The following SOWAHC variants were observed in gnomAD, a reference collection of about 807,000 sequenced individuals.
SOWAHC encodes the protein sosondowah ankyrin repeat domain family member C.
In SOWAHC, 12 loss-of-function variants were observed where a neutral mutation model predicts 14.4. That is an observed-to-expected ratio of 0.83 (90% CI 0.53 to 1.35). The LOEUF (loss-of-function observed/expected upper bound fraction) is 1.35. Ranked by LOEUF, SOWAHC falls within the 40% of genes most tolerant of loss-of-function variation. SOWAHC has a pLI of 0.00. For synonymous variants in SOWAHC, 398 were observed against 347.0 expected (o/e 1.15, Z -1.63); for missense variants, 771 against 752.8 (o/e 1.02, Z -0.28).
chr2:109,615,097 A>G lies in SOWAHC; in HGVS notation c.608A>G (p.Gln203Arg). The G allele has an allele frequency of 6.5e-7, 1 of 1,549,706 alleles. No homozygotes were observed. Among genetic ancestry groups the G allele is most frequent in the South Asian group, 1.2e-5 (1 of 84,048 alleles). The change falls in exon 1 of 1, where the codon CAG becomes CGG. Residue 203 changes from glutamine to arginine, a missense_variant. Coordinates refer to ENST00000356454, the MANE Select transcript of SOWAHC (RefSeq NM_023016.4). ...GCTACCGCACAGAGGCCGGCCCGCC[A>G]GAACCTCCGTGACCTGGTGATGGGC... The part of the protein sequence containing the change: ...VGATAQRPAR[Q>R]NLRDLVMGSS...
At position 109,614,851 on chromosome 2, in the gene SOWAHC, C is replaced by T. The variant is rs1573941443; in HGVS notation, c.362C>T (p.Ala121Val). 1 of 1,399,898 alleles carries T rather than the reference C, an allele frequency of 7.1e-7. No individual in the cohort carries two copies. Among genetic ancestry groups the T allele is most frequent in the Non-Finnish European group, 9.2e-7 (1 of 1,087,418 alleles). The allele number at this position is 1,399,898 out of a possible 1,614,324, so 86.7% of individuals were successfully genotyped here. The change falls in exon 1 of 1, where the codon GCG (alanine) becomes GTG (valine). Residue 121 changes from alanine (A) to valine (V), a missense_variant. Ala to Val is a moderately conservative substitution (Grantham distance 64). Coordinates refer to ENST00000356454, the MANE Select transcript of SOWAHC (RefSeq NM_023016.4). ...GPEARDRLPD[A>V]AAPESLPGQG... Reference sequence around the variant, plus strand: ...GAGGCGCGCGATCGGCTCCCCGACGCGGCGGCCCCGGAGTCGCTCCCTGGA... The same window carrying T: ...GAGGCGCGCGATCGGCTCCCCGACGTGGCGGCCCCGGAGTCGCTCCCTGGA...
chr2:109,614,462 C>T lies in SOWAHC; in HGVS notation c.-28C>T, dbSNP rs1699990366. 2 of 1,212,950 alleles carry T rather than the reference C, an allele frequency of 1.6e-6. No homozygotes were observed. The highest frequency in any genetic ancestry group is 1.6e-5 in the African/African-American group (1 of 63,250). 75.1% of individuals were successfully genotyped at this position (1,212,950 alleles called of 1,614,324 possible). ...CGCTATGGGACCGCGCTGAGCCGCC[C>T]GCTGGCGGGGGAGCAGCGCGGTCGA... On this transcript the variant is annotated 5_prime_UTR_variant, in exon 1 of 1. Coordinates refer to ENST00000356454, the MANE Select transcript of SOWAHC (RefSeq NM_023016.4).
At position 109,614,727 on chromosome 2, in the gene SOWAHC, A is replaced by C. The variant is rs1700022652; in HGVS notation, c.238A>C (p.Lys80Gln). 3 of 1,489,980 alleles carry C rather than the reference A, an allele frequency of 2.0e-6. No individual in the cohort carries two copies. Among genetic ancestry groups the C allele is most frequent in the African/African-American group, 1.5e-5 (1 of 68,536 alleles). 92.3% of individuals were successfully genotyped at this position (1,489,980 alleles called of 1,614,324 possible). A position where few individuals can be genotyped will look rare whatever the true frequency, so the allele number is the denominator to read the frequency against. The change falls in exon 1 of 1, where the codon AAG becomes CAG. Residue 80 changes from lysine (K) to glutamine (Q), a missense_variant. Coordinates refer to ENST00000356454, the MANE Select transcript of SOWAHC (RefSeq NM_023016.4). ...PADGAKYVHL[K>Q]KRFCEGPSEP... Reference sequence around the variant, plus strand: ...CGACGGCGCCAAGTACGTGCACCTCAAGAAGAGGTTCTGTGAAGGGCCGTC... The same window carrying C: ...CGACGGCGCCAAGTACGTGCACCTCCAGAAGAGGTTCTGTGAAGGGCCGTC...
rs1251645129 is a variant in SOWAHC, at chr2:109,617,378, TTAAG to T, written c.*1314_*1317del. 1 of 167,080 alleles carries T rather than the reference TTAAG, an allele frequency of 6.0e-6. No individual in the cohort carries two copies. Among genetic ancestry groups the T allele is most frequent in the Non-Finnish European group, 1.5e-5 (1 of 68,104 alleles). 10.3% of individuals were successfully genotyped at this position (167,080 alleles called of 1,614,324 possible). A position where few individuals can be genotyped will look rare whatever the true frequency, so the allele number is the denominator to read the frequency against. ...AAATGAAAAATACCATTCATTAAAA[TTAAG>T]TACTCGTTTAAGTATGGTTCTTAAT... On this transcript the variant is annotated 3_prime_UTR_variant, in exon 1 of 1. Transcript: ENST00000356454.
At position 109,614,946 on chromosome 2, in the gene SOWAHC, C is replaced by G; in HGVS notation, c.457C>G (p.Arg153Gly). ...AHWPPLSAGA[R>G]RKNSRRDVQP... is the part of the protein sequence containing the mutation. ...CTGGCCGCCCCTGAGCGCCGGGGCT[C>G]GCAGGAAGAACTCGCGGCGCGACGT... Residue 153 changes from arginine (R) to glycine (G), a missense_variant, in exon 1 of 1, where the codon CGC (arginine) becomes GGC (glycine). By Grantham distance (125) the Arg-to-Gly change is moderately radical (BLOSUM62 -2). Coordinates refer to ENST00000356454, the MANE Select transcript of SOWAHC (RefSeq NM_023016.4). The G allele has an allele frequency of 6.6e-7, 1 of 1,520,930 alleles. No homozygotes were observed. Among genetic ancestry groups the G allele is most frequent in the Non-Finnish European group, 8.8e-7 (1 of 1,139,336 alleles). The allele number at this position is 1,520,930 out of a possible 1,614,324, so 94.2% of individuals were successfully genotyped here. A position where few individuals can be genotyped will look rare whatever the true frequency, so the allele number is the denominator to read the frequency against.
In SOWAHC at chr2:109,614,717, C is replaced by G. The variant is rs775544832; in HGVS notation, c.228C>G (p.Tyr76Ter). 2.0e-6 allele frequency: 3 copies of G among 1,488,956 alleles called. No individual in the cohort carries two copies. The highest frequency in any genetic ancestry group is 3.6e-4 in the Middle Eastern group (2 of 5,490). The allele number at this position is 1,488,956 out of a possible 1,614,324, so 92.2% of individuals were successfully genotyped here. A position where few individuals can be genotyped will look rare whatever the true frequency, so the allele number is the denominator to read the frequency against. Reference protein sequence around the residue: ...VRVDPADGAKYVHLKKRFCEG... With the variant: ...VRVDPADGAK ...TCGATCCCGCCGACGGCGCCAAGTA[C>G]GTGCACCTCAAGAAGAGGTTCTGTG... Residue 76 changes from tyrosine (Y) to a stop codon, truncating the protein, a stop_gained, in exon 1 of 1, where the codon TAC (tyrosine) becomes TAG (stop). Coordinates refer to ENST00000356454, the MANE Select transcript of SOWAHC (RefSeq NM_023016.4). LOFTEE classifies it low-confidence loss of function (END_TRUNC).
In SOWAHC at chr2:109,614,600, C is replaced by T. The variant is rs1306891240; in HGVS notation, c.111C>T (p.His37=). The change falls in exon 1 of 1, where the codon CAC becomes CAT. Residue 37 remains histidine, a synonymous_variant. Coordinates refer to ENST00000356454, the MANE Select transcript of SOWAHC (RefSeq NM_023016.4). ...GRALHAELVQ[H]FRGALGGEPE... ...CCCTGCACGCCGAGCTGGTGCAGCA[C>T]TTCAGGGGCGCCCTAGGCGGCGAAC... 2 of 1,453,480 alleles carry T rather than the reference C, an allele frequency of 1.4e-6. No individual in the cohort carries two copies. Among genetic ancestry groups the T allele is most frequent in the African/African-American group, 3.0e-5 (2 of 67,784 alleles). The allele number at this position is 1,453,480 out of a possible 1,614,324, so 90.0% of individuals were successfully genotyped here. A position where few individuals can be genotyped will look rare whatever the true frequency, so the allele number is the denominator to read the frequency against.
chr2:109,615,288 CT>C lies in SOWAHC; in HGVS notation c.800del (p.Leu267ArgfsTer55). The C allele has an allele frequency of 1.3e-6, 2 of 1,594,878 alleles. No homozygotes were observed. Among genetic ancestry groups the C allele is most frequent in the South Asian group, 2.3e-5 (2 of 88,518 alleles). On this transcript the variant is annotated frameshift_variant, in exon 1 of 1. Transcript: ENST00000356454. LOFTEE classifies it low-confidence loss of function (END_TRUNC). ...SGGGSVTLDP[L>X]EHAWMLSASD... ...CGGAGGCTCCGTGACGCTGGACCCC[CT>C]GGAGCACGCGTGGATGCTCTCTGCC...
chr2:109,615,030 C>A lies in SOWAHC; in HGVS notation c.541C>A (p.His181Asn), dbSNP rs528896573. The change falls in exon 1 of 1, where the codon CAT (histidine) becomes AAT (asparagine). Residue 181 changes from histidine to asparagine, a missense_variant. By Grantham distance (68) the His-to-Asn change is moderately conservative. Coordinates refer to ENST00000356454, the MANE Select transcript of SOWAHC (RefSeq NM_023016.4). Reference sequence around the variant, plus strand: ...CAGCGAGGACCTGGAGCTCCCGCCACATGGCTGCGAGGAGGCGGACAGGGG... The same window carrying A: ...CAGCGAGGACCTGGAGCTCCCGCCAAATGGCTGCGAGGAGGCGGACAGGGG... ...GPSEDLELPP[H>N]GCEEADRGSS... 2.7e-5 allele frequency: 42 copies of A among 1,547,738 alleles called. No individual in the cohort carries two copies. In the South Asian group the frequency reaches 4.8e-4, roughly 18 times the overall value.
Position 109,615,660 on chromosome 2 carries a change from A to G in SOWAHC, c.1171A>G (p.Lys391Glu), listed in dbSNP as rs775764517. 6.2e-7 allele frequency: 1 copy of G among 1,614,156 alleles called. No homozygotes were observed. The highest frequency in any genetic ancestry group is 1.1e-5 in the South Asian group (1 of 91,082). ...GAGTCGGAGCATCGCCGAGGAGATCAAGAACCTGGTGGGAGCCCTGGACGA... is the reference window on the plus strand; with the variant it reads ...GAGTCGGAGCATCGCCGAGGAGATCGAGAACCTGGTGGGAGCCCTGGACGA... The part of the protein sequence containing the change: ...YLSRSIAEEI[K>E]NLVGALDEGD... Residue 391 changes from lysine to glutamate, a missense_variant, in exon 1 of 1, where the codon AAG becomes GAG. Lys to Glu is a moderately conservative substitution (Grantham distance 56). Transcript: ENST00000356454.
Position 109,614,366 on chromosome 2 carries a change from A to G in SOWAHC, c.-124A>G. The G allele has an allele frequency of 1.2e-6, 1 of 807,090 alleles. No individual in the cohort carries two copies. Among genetic ancestry groups the G allele is most frequent in the Non-Finnish European group, 1.6e-6 (1 of 611,940 alleles). The allele number at this position is 807,090 out of a possible 1,614,324, so 50.0% of individuals were successfully genotyped here. A position where few individuals can be genotyped will look rare whatever the true frequency, so the allele number is the denominator to read the frequency against. On this transcript the variant is annotated 5_prime_UTR_variant, in exon 1 of 1. Transcript: ENST00000356454. The stretch of plus-strand genomic sequence containing the variant: ...CGGTGGCCGAGTCCTCTGGCCTCAG[A>G]CGCGTAGGCTGGCAGCCCGCTGAGC...
chr2:109,615,285 C>G lies in SOWAHC; in HGVS notation c.796C>G (p.Pro266Ala), dbSNP rs1295160281. The change falls in exon 1 of 1, where the codon CCC becomes GCC. Residue 266 changes from proline (P) to alanine (A), a missense_variant. Transcript: ENST00000356454. ...CGGCGGAGGCTCCGTGACGCTGGAC[C>G]CCCTGGAGCACGCGTGGATGCTCTC... is the stretch of plus-strand genomic sequence containing the variant. ...SSGGGSVTLD[P>A]LEHAWMLSAS... is the part of the protein sequence containing the mutation. The G allele has an allele frequency of 9.4e-6, 15 of 1,592,602 alleles. No homozygotes were observed. Among genetic ancestry groups the G allele is most frequent in the African/African-American group, 1.3e-5 (1 of 74,510 alleles).
rs1371801163 is a variant in SOWAHC at position 109,614,798 on chromosome 2, C to T, written c.309C>T (p.Pro103=). ...CGCGAATCCAGGTGACCGCCGAGCC[C>T]GAGGCCCCCGACGGCCCTGCCGGGC... The part of the protein sequence containing the change: ...DPPRIQVTAE[P]EAPDGPAGPE... The change falls in exon 1 of 1, where the codon CCC becomes CCT. Residue 103 remains proline (P), a synonymous_variant. Coordinates refer to ENST00000356454, the MANE Select transcript of SOWAHC (RefSeq NM_023016.4). The T allele has an allele frequency of 1.4e-6, 2 of 1,470,588 alleles. No individual in the cohort carries two copies. The highest frequency in any genetic ancestry group is 9.0e-7 in the Non-Finnish European group (1 of 1,116,434). 91.1% of individuals were successfully genotyped at this position (1,470,588 alleles called of 1,614,324 possible). A position where few individuals can be genotyped will look rare whatever the true frequency, so the allele number is the denominator to read the frequency against.
rs536281994 is a variant in SOWAHC, at chr2:109,615,365, C to A, written c.876C>A (p.Gly292=). Reference sequence around the variant, plus strand: ...AGGGCTTGCTCACCTGCGAGCCCGGCCTGCTGGTCAAGCGGGACTTCATTA... The same window carrying A: ...AGGGCTTGCTCACCTGCGAGCCCGGACTGCTGGTCAAGCGGGACTTCATTA... The part of the protein sequence containing the change: ...SLEGLLTCEP[G]LLVKRDFITG... Residue 292 remains glycine, a synonymous_variant, in exon 1 of 1, where the codon GGC becomes GGA. Coordinates refer to ENST00000356454, the MANE Select transcript of SOWAHC (RefSeq NM_023016.4). 6.2e-7 allele frequency: 1 copy of A among 1,612,826 alleles called. No individual in the cohort carries two copies. Among genetic ancestry groups the A allele is most frequent in the Non-Finnish European group, 8.5e-7 (1 of 1,180,018 alleles).
chr2:109,614,838 C>A lies in SOWAHC; in HGVS notation c.349C>A (p.Arg117=). ...CCCTGCCGGGCCCGAGGCGCGCGAT[C>A]GGCTCCCCGACGCGGCGGCCCCGGA... is the stretch of plus-strand genomic sequence containing the variant. ...DGPAGPEARD[R]LPDAAAPESL... Residue 117 remains arginine, a synonymous_variant, in exon 1 of 1, where the codon CGG becomes AGG. Coordinates refer to ENST00000356454, the MANE Select transcript of SOWAHC (RefSeq NM_023016.4). The A allele has an allele frequency of 4.2e-6, 6 of 1,417,366 alleles. No homozygotes were observed. Among genetic ancestry groups the A allele is most frequent in the South Asian group, 1.5e-5 (1 of 67,742 alleles). 87.8% of individuals were successfully genotyped at this position (1,417,366 alleles called of 1,614,324 possible).
rs569929698 is a variant in SOWAHC at position 109,616,404 on chromosome 2, G to T, written c.*337G>T. ...TTGCTTTAACCATTCCTGGATGCCT[G>T]CAAAGTAAGGAATAATGCAGTTTTT... On this transcript the variant is annotated 3_prime_UTR_variant, in exon 1 of 1. Coordinates refer to ENST00000356454, the MANE Select transcript of SOWAHC (RefSeq NM_023016.4). 1.0e-5 allele frequency: 2 copies of T among 191,068 alleles called. No individual in the cohort carries two copies. Among genetic ancestry groups the T allele is most frequent in the African/African-American group, 4.7e-5 (2 of 42,478 alleles). The allele number at this position is 191,068 out of a possible 1,614,324, so 11.8% of individuals were successfully genotyped here.
chr2:109,614,826 G>C lies in SOWAHC; in HGVS notation c.337G>C (p.Glu113Gln). The C allele has an allele frequency of 7.0e-7, 1 of 1,433,360 alleles. No homozygotes were observed. Among genetic ancestry groups the C allele is most frequent in the Non-Finnish European group, 9.1e-7 (1 of 1,101,274 alleles). The allele number at this position is 1,433,360 out of a possible 1,614,324, so 88.8% of individuals were successfully genotyped here. The change falls in exon 1 of 1, where the codon GAG becomes CAG. Residue 113 changes from glutamate (E) to glutamine (Q), a missense_variant. By Grantham distance (29) the Glu-to-Gln change is conservative. Coordinates refer to ENST00000356454, the MANE Select transcript of SOWAHC (RefSeq NM_023016.4). ...GGCCCCCGACGGCCCTGCCGGGCCCGAGGCGCGCGATCGGCTCCCCGACGC... is the reference window on the plus strand; with the variant it reads ...GGCCCCCGACGGCCCTGCCGGGCCCCAGGCGCGCGATCGGCTCCCCGACGC... ...PEAPDGPAGP[E>Q]ARDRLPDAAA... is the part of the protein sequence containing the mutation.
Position 109,614,382 on chromosome 2 carries a change from C to T in SOWAHC, c.-108C>T. ...TGGCCTCAGACGCGTAGGCTGGCAGCCCGCTGAGCCCGCCAGACTCCGCCG... is the reference window on the plus strand; with the variant it reads ...TGGCCTCAGACGCGTAGGCTGGCAGTCCGCTGAGCCCGCCAGACTCCGCCG... On this transcript the variant is annotated 5_prime_UTR_variant, in exon 1 of 1. Coordinates refer to ENST00000356454, the MANE Select transcript of SOWAHC (RefSeq NM_023016.4). The T allele has an allele frequency of 2.2e-6, 2 of 893,340 alleles. No homozygotes were observed. The highest frequency in any genetic ancestry group is 2.9e-6 in the Non-Finnish European group (2 of 690,370). The allele number at this position is 893,340 out of a possible 1,614,324, so 55.3% of individuals were successfully genotyped here.
Position 109,615,897 on chromosome 2 carries a change from C to G in SOWAHC, c.1408C>G (p.Pro470Ala). ...GGGCAGCTCTAGTGGACGTATAAAA[C>G]CCAGACTCAACAAAATCCGATTCAG... ...ASGSSSGRIK[P>A]RLNKIRFRTQ... The change falls in exon 1 of 1, where the codon CCC (proline) becomes GCC (alanine). Residue 470 changes from proline to alanine, a missense_variant. Pro to Ala is a conservative substitution (Grantham distance 27). Transcript: ENST00000356454. The G allele has an allele frequency of 6.2e-7, 1 of 1,612,024 alleles. No individual in the cohort carries two copies. The highest frequency in any genetic ancestry group is 8.5e-7 in the Non-Finnish European group (1 of 1,179,156).
Sources: allele counts gnomAD v4.1 joint callset, GRCh38; gene constraint gnomAD v4.1.1; transcripts MANE v1.5; gene names NCBI Gene and HGNC (gene_info 2026-07-23, HGNC 2026-07-21).